Variants in PITX1 observed in about 807,000 individuals in gnomAD.
The protein encoded by PITX1 is pituitary homeobox 1.
In PITX1, 5 loss-of-function variants were observed where a neutral mutation model predicts 24.1. The ratio of observed to expected loss-of-function variants is 0.21; its 90% confidence interval spans 0.11 to 0.44. The LOEUF is 0.44. Among genes scored for constraint, PITX1 ranks in the 20% least tolerant of loss-of-function variants. The probability of loss-of-function intolerance (pLI) is 0.99; values close to 1 mark genes in which losing one functional copy is unlikely to be tolerated. For synonymous variants in PITX1, 213 were observed against 208.9 expected (o/e 1.02, Z -0.17); for missense variants, 401 against 455.4 (o/e 0.88, Z 1.09).
rs1386538357 is a variant in PITX1, at chr5:135,028,928, T to C, written c.796A>G (p.Thr266Ala). 7 of 1,613,196 alleles carry C rather than the reference T, an allele frequency of 4.3e-6. No individual in the cohort carries two copies. The highest frequency in any genetic ancestry group is 5.9e-6 in the Non-Finnish European group (7 of 1,179,818). Reference sequence around the variant, plus strand: ...TAGACGCTGTAGGGCGAGGCGGGAGTGCCGTACGGGCAAGCGCCCGGCGAC... The same window carrying C: ...TAGACGCTGTAGGGCGAGGCGGGAGCGCCGTACGGGCAAGCGCCCGGCGAC... ...AMSPGACPYG[T>A]PASPYSVYRD... Residue 266 changes from threonine to alanine, a missense_variant, in exon 3 of 3, where the codon ACT (threonine) becomes GCT (alanine). This residue lies in a region of PITX1 where 217 missense variants were observed against 219.8 expected (regional missense o/e 0.99). Transcript: ENST00000265340.
chr5:135,033,510 G>A lies in PITX1; in HGVS notation c.169+203C>T, dbSNP rs1435795878. 1 of 598,106 alleles carries A rather than the reference G, an allele frequency of 1.7e-6. No individual in the cohort carries two copies. Among genetic ancestry groups the A allele is most frequent in the Non-Finnish European group, 2.9e-6 (1 of 340,894 alleles). The allele number at this position is 598,106 out of a possible 1,614,324, so 37.0% of individuals were successfully genotyped here. A position where few individuals can be genotyped will look rare whatever the true frequency, so the allele number is the denominator to read the frequency against. ...TGCATCTGCCAGTCTCTTGGCGCGT[G>A]GGGACCGCGTGGAAGTGCCTTCGCG... On this transcript the variant is annotated intron_variant, in intron 1 of 2. Coordinates refer to ENST00000265340, the MANE Select transcript of PITX1 (RefSeq NM_002653.5). This position sits in a 1 kb window ranked among gnomAD's most constrained non-coding sequence, Gnocchi z 5.9.
chr5:135,031,076 T>A (rs1752437804), intron 2 of PITX1, among the ~76,000 whole-genome samples, 200 bp downstream of exon 2: 2 of 152,040 alleles, frequency 1.3e-5, no homozygotes, highest in South Asian at 4.2e-4. Flanking sequence ...TCAAAGGGGT[T>A]GAAGGTCCGA....
At chr5:135,030,529 G>T (rs111961308) in intron 2 of PITX1, among the ~76,000 whole-genome samples, 3 of 152,316 alleles carry the variant, frequency 2.0e-5, no homozygotes, top group Admixed American at 6.5e-5. Context: ...GGGAAGAAAT[G>T]ATTCTCTTGC....
At chr5:135,030,436 A>G (rs185322799) in intron 2 of PITX1, among the ~76,000 whole-genome samples, 99 of 152,248 alleles carry the variant, frequency 6.5e-4, no homozygotes, top group Admixed American at 2.0e-3. Context: ...GGCTGGGGTT[A>G]TGGTAAGGAG....
At chr5:135,029,574 G>C (rs1411108816) in intron 2 of PITX1, among the ~76,000 whole-genome samples, 1 of 152,082 alleles carries the variant, frequency 6.6e-6, no homozygotes. Flanking sequence ...ACGGATTCTC[G>C]TTTAACAGAT....
chr5:135,029,057 TGGA>T lies in PITX1; in HGVS notation c.664_666del (p.Ser222del). On this transcript the variant is annotated inframe_deletion, in exon 3 of 3. Coordinates refer to ENST00000265340, the MANE Select transcript of PITX1 (RefSeq NM_002653.5). ...GGGCCCATGCTGGACGGCATGGTCA[TGGA>T]GGAGATGGAGCTGGGTGCTGAGAAC... The T allele has an allele frequency of 6.2e-7, 1 of 1,614,104 alleles. No individual in the cohort carries two copies. The highest frequency in any genetic ancestry group is 8.5e-7 in the Non-Finnish European group (1 of 1,180,006).
rs1459081219 is a variant in PITX1, at chr5:135,028,708, G to A, written c.*71C>T. On this transcript the variant is annotated 3_prime_UTR_variant, in exon 3 of 3. Coordinates refer to ENST00000265340, the MANE Select transcript of PITX1 (RefSeq NM_002653.5). Reference sequence around the variant, plus strand: ...TGGGGCTTGCGAGCCGGGGCCCCGCGTGCGTCCTCCGCGCCCGCGCCCGCG... The same window carrying A: ...TGGGGCTTGCGAGCCGGGGCCCCGCATGCGTCCTCCGCGCCCGCGCCCGCG... The A allele has an allele frequency of 6.0e-6, 7 of 1,160,042 alleles. No individual in the cohort carries two copies. In the Admixed American group the frequency reaches 1.8e-4, roughly 30 times the overall value. The allele number at this position is 1,160,042 out of a possible 1,614,324, so 71.9% of individuals were successfully genotyped here.
In PITX1 at chr5:135,029,110, A is replaced by G; in HGVS notation, c.614T>C (p.Met205Thr). The G allele has an allele frequency of 6.2e-7, 1 of 1,614,218 alleles. No homozygotes were observed. Among genetic ancestry groups the G allele is most frequent in the Non-Finnish European group, 8.5e-7 (1 of 1,180,028 alleles). ...CATGGACTGCGACGACAGCGGGCTC[A>G]TGGAGTTGAAGAAGGTGAAGCTCTT... is the stretch of plus-strand genomic sequence containing the variant. Reference protein sequence around the residue: ...STKSFTFFNSMSPLSSQSMFS... With the variant: ...STKSFTFFNSTSPLSSQSMFS... The change falls in exon 3 of 3, where the codon ATG becomes ACG. Residue 205 changes from methionine (M) to threonine (T), a missense_variant. Met to Thr is a moderately conservative substitution (Grantham distance 81). This residue lies in a region of PITX1 where 217 missense variants were observed against 219.8 expected (regional missense o/e 0.99). Transcript: ENST00000265340.
Position 135,031,335 on chromosome 5 carries a change from C to G in PITX1, c.343G>C (p.Asp115His). The G allele has an allele frequency of 1.2e-6, 2 of 1,614,078 alleles. No individual in the cohort carries two copies. The highest frequency in any genetic ancestry group is 8.5e-7 in the Non-Finnish European group (1 of 1,179,936). The stretch of plus-strand genomic sequence containing the variant: ...GCGATCTCCTCCCTCATGCTCATGT[C>G]GGGGTAGCGGTTCCTCTGGAACGTG... The part of the protein sequence containing the change: ...EATFQRNRYP[D>H]MSMREEIAVW... Residue 115 changes from aspartate to histidine, a missense_variant, in exon 2 of 3, where the codon GAC (aspartate) becomes CAC (histidine). Transcript: ENST00000265340.
At chr5:135,031,028 T>A (rs968488324) in intron 2 of PITX1, among the ~76,000 whole-genome samples, 9 of 152,120 alleles carry the variant, frequency 5.9e-5, no homozygotes, top group Admixed American at 1.3e-4. Context: ...GTCTTTGGGC[T>A]GGGGTTGCCT....
Position 135,031,438 on chromosome 5 carries a change from T to G in PITX1, c.240A>C (p.Ala80=). 6.2e-7 allele frequency: 1 copy of G among 1,613,934 alleles called. No individual in the cohort carries two copies. The highest frequency in any genetic ancestry group is 8.5e-7 in the Non-Finnish European group (1 of 1,179,934). The change falls in exon 2 of 3, where the codon GCA becomes GCC. Residue 80 remains alanine (A), a synonymous_variant. Transcript: ENST00000265340. The part of the protein sequence containing the change: ...SGAGGTGCGG[A]DDPAKKKKQR... ...GCTTCTTCTTCTTGGCTGGGTCGTCTGCGCCGCCGCAGCCCGTGCCTCCCG... is the reference window on the plus strand; with the variant it reads ...GCTTCTTCTTCTTGGCTGGGTCGTCGGCGCCGCCGCAGCCCGTGCCTCCCG...
rs1228222464 is a variant in PITX1 at position 135,034,208 on chromosome 5, G to C, written c.-327C>G. 2 of 151,690 alleles carry C rather than the reference G, an allele frequency of 1.3e-5. No individual in the cohort carries two copies. Among genetic ancestry groups the C allele is most frequent in the Non-Finnish European group, 2.9e-5 (2 of 67,884 alleles). 9.4% of individuals were successfully genotyped at this position (151,690 alleles called of 1,614,324 possible). A position where few individuals can be genotyped will look rare whatever the true frequency, so the allele number is the denominator to read the frequency against. On this transcript the variant is annotated 5_prime_UTR_variant, in exon 1 of 3. Coordinates refer to ENST00000265340, the MANE Select transcript of PITX1 (RefSeq NM_002653.5). ...GGGGCCGGTTTCTAAGGCTCCGGAC[G>C]GCGCCGGCAGAGTCTGTCTTAAAGC... is the stretch of plus-strand genomic sequence containing the variant.
Position 135,031,442 on chromosome 5 carries a change from C to T in PITX1, c.236G>A (p.Gly79Asp). The T allele has an allele frequency of 6.2e-7, 1 of 1,613,936 alleles. No individual in the cohort carries two copies. The highest frequency in any genetic ancestry group is 1.1e-5 in the South Asian group (1 of 91,082). The change falls in exon 2 of 3, where the codon GGC (glycine) becomes GAC (aspartate). Residue 79 changes from glycine to aspartate, a missense_variant. This residue lies in a region of PITX1 where 136 missense variants were observed against 133.3 expected (regional missense o/e 1.02). Coordinates refer to ENST00000265340, the MANE Select transcript of PITX1 (RefSeq NM_002653.5). ...CTTCTTCTTGGCTGGGTCGTCTGCG[C>T]CGCCGCAGCCCGTGCCTCCCGCACC... is the stretch of plus-strand genomic sequence containing the variant. The part of the protein sequence containing the change: ...DSGAGGTGCG[G>D]ADDPAKKKKQ...
At position 135,031,516 on chromosome 5, in the gene PITX1, A is replaced by G. The variant is rs1351916016; in HGVS notation, c.170-8T>C. The G allele has an allele frequency of 6.2e-7, 1 of 1,604,734 alleles. No individual in the cohort carries two copies. The highest frequency in any genetic ancestry group is 1.3e-5 in the African/African-American group (1 of 74,886). On this transcript the variant is annotated splice_polypyrimidine_tract_variant and splice_region_variant and intron_variant, in intron 1 of 2. Transcript: ENST00000265340. ...CCCCGCCGCGCTCCTTCTCTGCAGT[A>G]GGCAGGACGGGGAGCGGGTCACCTG...
rs1752385277 is a variant in PITX1 at position 135,028,403 on chromosome 5, G to A, written c.*376C>T. 1 of 156,220 alleles carries A rather than the reference G, an allele frequency of 6.4e-6. No homozygotes were observed. The highest frequency in any genetic ancestry group is 2.4e-5 in the African/African-American group (1 of 41,682). The allele number at this position is 156,220 out of a possible 1,614,324, so 9.7% of individuals were successfully genotyped here. On this transcript the variant is annotated 3_prime_UTR_variant, in exon 3 of 3. Transcript: ENST00000265340. ...ACGAGGTCGTCCTCCCCCGGCCGCTGGGCCTCGGCGCTCGCCTACCGCGCC... is the reference window on the plus strand; with the variant it reads ...ACGAGGTCGTCCTCCCCCGGCCGCTAGGCCTCGGCGCTCGCCTACCGCGCC...
At chr5:135,031,583 G>A in intron 1 of PITX1, 75 bp from the exon 2 acceptor site, 3 of 1,221,810 alleles carry the variant, frequency 2.5e-6, no homozygotes, top group Non-Finnish European at 3.4e-6. Flanking sequence ...CCACCGAACC[G>A]CTCGCCACCA....
chr5:135,032,776 G>C (rs748781654), intron 1 of PITX1: 11 of 291,292 alleles, frequency 3.8e-5, no homozygotes, highest in Non-Finnish European at 6.1e-5. Context: ...GTTCAGCGTT[G>C]ATTATGTTTT....
Position 135,033,517 on chromosome 5 carries a change from G to T in PITX1, c.169+196C>A. ...GCCAGTCTCTTGGCGCGTGGGGACC[G>T]CGTGGAAGTGCCTTCGCGTGTGCGT... On this transcript the variant is annotated intron_variant, in intron 1 of 2. Coordinates refer to ENST00000265340, the MANE Select transcript of PITX1 (RefSeq NM_002653.5). This position sits in a 1 kb window ranked among gnomAD's most constrained non-coding sequence, Gnocchi z 5.9. 1 of 608,338 alleles carries T rather than the reference G, an allele frequency of 1.6e-6. No individual in the cohort carries two copies. Among genetic ancestry groups the T allele is most frequent in the Non-Finnish European group, 2.9e-6 (1 of 349,042 alleles). The allele number at this position is 608,338 out of a possible 1,614,324, so 37.7% of individuals were successfully genotyped here. A position where few individuals can be genotyped will look rare whatever the true frequency, so the allele number is the denominator to read the frequency against.
At chr5:135,032,879 A>T (rs762075927) in intron 1 of PITX1, 2 of 391,542 alleles carry the variant, frequency 5.1e-6, no homozygotes, top group South Asian at 3.5e-5. Context: ...GCTGTGTATT[A>T]AGAAATGAAC....
Sources: allele counts gnomAD v4.1 joint callset (sites outside exome capture counted in the v4.1 genomes callset), GRCh38; gene constraint gnomAD v4.1.1; regional missense constraint gnomAD v4.1.1; non-coding constraint Gnocchi (gnomAD v3.1); transcripts MANE v1.5; gene names NCBI Gene and HGNC (gene_info 2026-07-23, HGNC 2026-07-21).